Variants in SEC24B observed in about 807,000 individuals in gnomAD.
SEC24B encodes the protein protein transport protein Sec24B.
SEC24B carries 45 observed loss-of-function variants against 142.8 expected under a neutral mutation model. The observed-to-expected ratio is 0.32, with a 90% CI of 0.25 to 0.40. The LOEUF is 0.40. Ranked by LOEUF, SEC24B falls within the 10% of genes least tolerant of loss-of-function variation. The pLI is 1.00. For missense variants in SEC24B, 1,409 were observed against 1,526.8 expected, an observed-to-expected ratio of 0.92 and a Z score of 1.29; for synonymous variants, 574 against 568.2, an observed-to-expected ratio of 1.01 and a Z score of -0.15.
At chr4:109,513,569 A>G (rs1737613413) in intron 9 of SEC24B, among the ~76,000 whole-genome samples, 178 bp from the exon 10 acceptor site, 2 of 152,200 alleles carry the variant, frequency 1.3e-5, no homozygotes, top group Admixed American at 1.3e-4. Flanking sequence ...GGCGTGAGCC[A>G]CCGCCCTGAT....
intron 6 of SEC24B, among the ~76,000 whole-genome samples, chr4:109,502,942 G>A (rs1578917538): frequency 1.3e-5 from 2 of 151,592 alleles, no homozygotes; most frequent in East Asian, 3.9e-4. Context: ...TAAACCTTTT[G>A]TGTTTGTGTA....
chr4:109,528,581 T>C (rs932817672), intron 18 of SEC24B, among the ~76,000 whole-genome samples: 9 of 152,184 alleles, frequency 5.9e-5, no homozygotes, highest in African/African-American at 1.9e-4. Flanking sequence ...TTTGTAGTGA[T>C]GGAACTATTG....
chr4:109,489,940 C>A (rs911150634), intron 4 of SEC24B, among the ~76,000 whole-genome samples: 43 of 151,960 alleles, frequency 2.8e-4, no homozygotes, highest in African/African-American at 1.0e-3. Flanking sequence ...CATTACTTTC[C>A]ATTCTTTATT....
At chr4:109,517,752 GAT>G (rs1449978191) in intron 11 of SEC24B, among the ~76,000 whole-genome samples, 1 of 151,984 alleles carries the variant, frequency 6.6e-6, no homozygotes, top group East Asian at 1.9e-4. Flanking sequence ...AATTTAAAAA[GAT>G]AAAAGGATTT....
In SEC24B at chr4:109,513,783, C is replaced by T; in HGVS notation, c.1940C>T (p.Ser647Phe). The T allele has an allele frequency of 6.2e-7, 1 of 1,613,094 alleles. No homozygotes were observed. The highest frequency in any genetic ancestry group is 8.5e-7 in the Non-Finnish European group (1 of 1,179,160). Residue 647 changes from serine to phenylalanine, a missense_variant, in exon 10 of 24, where the codon TCT (serine) becomes TTT (phenylalanine). This residue lies in a region of SEC24B where 700 missense variants were observed against 853.3 expected (regional missense o/e 0.82). Transcript: ENST00000265175. ...EEFMYNPLTR[S>F]YGEPHKRPEV... ...TTTATGTATAACCCCCTTACCCGAT[C>T]TTATGGAGAGCCTCATAAACGACCA...
chr4:109,527,604 C>G (rs1185098187), intron 18 of SEC24B, among the ~76,000 whole-genome samples, 172 bp downstream of exon 18: 1 of 152,120 alleles, frequency 6.6e-6, no homozygotes, highest in Non-Finnish European at 1.5e-5. Flanking sequence ...AACCCCATCT[C>G]TACTAAAAAT....
chr4:109,459,963 G>A (rs1731091790), intron 1 of SEC24B, among the ~76,000 whole-genome samples: 2 of 152,108 alleles, frequency 1.3e-5, no homozygotes, highest in Admixed American at 1.3e-4. Flanking sequence ...CTTTTGTCGT[G>A]TTAATGAAAG....
At chr4:109,447,536 C>T (rs1314949110) in intron 1 of SEC24B, among the ~76,000 whole-genome samples, 2 of 152,054 alleles carry the variant, frequency 1.3e-5, no homozygotes, top group African/African-American at 2.4e-5. Flanking sequence ...ATTTTTTTCC[C>T]ACCAGCTCAG....
intron 19 of SEC24B, among the ~76,000 whole-genome samples, chr4:109,530,783 C>G (rs905976206): frequency 1.7e-4 from 26 of 151,052 alleles, no homozygotes; most frequent in African/African-American, 5.4e-4. Context: ...GTAATCCCAG[C>G]TACTCTGGGG....
intron 3 of SEC24B, among the ~76,000 whole-genome samples, chr4:109,474,325 T>C (rs1450106887): frequency 6.6e-6 from 1 of 152,220 alleles, no homozygotes; most frequent in Non-Finnish European, 1.5e-5. Flanking sequence ...ATGGTGTCTT[T>C]TCTTGTTTTT....
At position 109,511,875 on chromosome 4, in the gene SEC24B, T is replaced by C. The variant is rs1737374558; in HGVS notation, c.1777-82T>C. ...ATAAAAACAATTAAGGTTTATGTTC[T>C]GTATTTGGAGCAGATCTGTGTACGT... is the stretch of plus-strand genomic sequence containing the variant. On this transcript the variant is annotated intron_variant, in intron 8 of 23. Coordinates refer to ENST00000265175, the MANE Select transcript of SEC24B (RefSeq NM_006323.5). 28 of 1,359,190 alleles carry C rather than the reference T, an allele frequency of 2.1e-5. No individual in the cohort carries two copies. In the South Asian group the frequency reaches 2.1e-4, roughly 10 times the overall value. The allele number at this position is 1,359,190 out of a possible 1,614,324, so 84.2% of individuals were successfully genotyped here.
chr4:109,480,251 G>A (rs541002147), intron 3 of SEC24B, among the ~76,000 whole-genome samples: 6 of 151,100 alleles, frequency 4.0e-5, no homozygotes, highest in Non-Finnish European at 5.9e-5. Flanking sequence ...GTTTATCCAT[G>A]CTAATCAAGT....
At chr4:109,472,551 A>G (rs1732634192) in intron 2 of SEC24B, among the ~76,000 whole-genome samples, 1 of 152,170 alleles carries the variant, frequency 6.6e-6, no homozygotes, top group African/African-American at 2.4e-5. Flanking sequence ...AGAAGTGTTT[A>G]TGGAATTCAG....
At chr4:109,446,231 A>G (rs1729447435) in intron 1 of SEC24B, among the ~76,000 whole-genome samples, 1 of 152,192 alleles carries the variant, frequency 6.6e-6, no homozygotes, top group Non-Finnish European at 1.5e-5. Flanking sequence ...CAATCACAGC[A>G]GTTCTTATTA....
intron 1 of SEC24B, among the ~76,000 whole-genome samples, chr4:109,459,110 T>C (rs1344015416): frequency 6.6e-6 from 1 of 152,182 alleles, no homozygotes; most frequent in East Asian, 1.9e-4. Context: ...ACTGTGTTGC[T>C]CTACTCTTCG....
intron 8 of SEC24B, among the ~76,000 whole-genome samples, chr4:109,510,753 T>TGA (rs1737230011): frequency 6.6e-6 from 1 of 152,172 alleles, no homozygotes; most frequent in Admixed American, 6.5e-5. Context: ...AAAATAATTT[T>TGA]ATTCAGGGCT....
At chr4:109,478,301 A>G (rs1320872992) in intron 3 of SEC24B, among the ~76,000 whole-genome samples, 1 of 150,190 alleles carries the variant, frequency 6.7e-6, no homozygotes, top group Non-Finnish European at 1.5e-5. Context: ...AAAAAAAAAA[A>G]TTAATAAAAT....
At position 109,479,877 on chromosome 4, in the gene SEC24B, A is replaced by G. The variant is rs566906132; in HGVS notation, c.1061-1800A>G. ...AGTGCTGGGATTATAGACATGAGCA[A>G]TTGTGCTTGGCTCAAATATTCGTTT... On this transcript the variant is annotated intron_variant, in intron 3 of 23. Coordinates refer to ENST00000265175, the MANE Select transcript of SEC24B (RefSeq NM_006323.5). Among the ~76,000 whole-genome samples the G allele has an allele frequency of 1.1e-3, 161 of 151,684 alleles. 2 individuals are homozygous for G. The South Asian group carries it at 0.017, about 16-fold the overall frequency.
intron 11 of SEC24B, among the ~76,000 whole-genome samples, chr4:109,518,095 A>G (rs1578964264): frequency 6.6e-6 from 1 of 151,982 alleles, no homozygotes; most frequent in Non-Finnish European, 1.5e-5. Context: ...AGCCTCCCAA[A>G]TAGCTGGGAT....
Sources: allele counts gnomAD v4.1 joint callset (sites outside exome capture counted in the v4.1 genomes callset), GRCh38; gene constraint gnomAD v4.1.1; regional missense constraint gnomAD v4.1.1; transcripts MANE v1.5; gene names NCBI Gene and HGNC (gene_info 2026-07-23, HGNC 2026-07-21).